GRIP1: variants seen among roughly 807,000 people sequenced by gnomAD.
GRIP1 encodes the protein glutamate receptor-interacting protein 1.
GRIP1 carries 45 observed loss-of-function variants against 129.9 expected under a neutral mutation model. The ratio of observed to expected loss-of-function variants is 0.35; its 90% CI spans 0.27 to 0.44. The LOEUF is 0.44. GRIP1 is among the 20% of genes least tolerant of loss of function. The pLI is 1.00. For synonymous variants in GRIP1, 530 were observed against 520.8 expected, an observed-to-expected ratio of 1.02 and a Z score of -0.24; for missense variants, 1,196 against 1,396.8, an observed-to-expected ratio of 0.86 and a Z score of 2.29.
chr12:66,825,322 C>T (rs2039390953), intron 1 of GRIP1, among the ~76,000 whole-genome samples: 1 of 152,134 alleles, frequency 6.6e-6, no homozygotes, highest in South Asian at 2.1e-4. Flanking sequence ...TTACCTTTCT[C>T]CATATGACTT....
chr12:66,826,400 A>T (rs2039414204), intron 1 of GRIP1, among the ~76,000 whole-genome samples: 1 of 152,162 alleles, frequency 6.6e-6, no homozygotes, highest in South Asian at 2.1e-4. Flanking sequence ...GTGTATATCT[A>T]TGTTATAAAC....
intron 7 of GRIP1, among the ~76,000 whole-genome samples, chr12:66,485,822 T>C (rs1294125843): frequency 1.3e-5 from 2 of 152,064 alleles, no homozygotes; most frequent in African/African-American, 4.8e-5. Context: ...TTTTTTCTCA[T>C]TGCATTACAA....
chr12:66,401,625 C>T (rs181262302), intron 16 of GRIP1, among the ~76,000 whole-genome samples: 31,181 of 120,590 alleles, frequency 0.26, 5,400 homozygotes, highest in Middle Eastern at 0.35. Flanking sequence ...CACACACACA[C>T]ACACACACAC....
At chr12:67,036,219 G>T (rs1051827660) in intron 1 of GRIP1, among the ~76,000 whole-genome samples, 1 of 152,140 alleles carries the variant, frequency 6.6e-6, no homozygotes, top group Admixed American at 6.5e-5. Context: ...TGCATTTCAC[G>T]ATAACTTTTA....
At chr12:66,571,289 G>T (rs10784556) in intron 2 of GRIP1, among the ~76,000 whole-genome samples, 18,467 of 152,166 alleles carry the variant, frequency 0.12, 1,199 homozygotes, top group East Asian at 0.19. Flanking sequence ...ACCCTCACTT[G>T]GGAGGCCACA....
chr12:66,581,359 G>A (rs905306961), intron 2 of GRIP1, among the ~76,000 whole-genome samples: 1 of 150,888 alleles, frequency 6.6e-6, no homozygotes, highest in Non-Finnish European at 1.5e-5. Flanking sequence ...AAAAGCAAGA[G>A]CAAACACATT....
chr12:66,851,941 T>C (rs1331023679), intron 1 of GRIP1, among the ~76,000 whole-genome samples: 1 of 152,138 alleles, frequency 6.6e-6, no homozygotes, highest in Non-Finnish European at 1.5e-5. Flanking sequence ...CCTGTCATGA[T>C]AGTTCACAAT....
chr12:66,554,724 G>A (rs1259778219), intron 2 of GRIP1, among the ~76,000 whole-genome samples: 2 of 152,116 alleles, frequency 1.3e-5, no homozygotes, highest in Non-Finnish European at 2.9e-5. Context: ...AAGAGTCCAT[G>A]GACCTTAAGT....
At chr12:66,485,220 T>C (rs965673154) in intron 7 of GRIP1, among the ~76,000 whole-genome samples, 1 of 152,178 alleles carries the variant, frequency 6.6e-6, no homozygotes, top group Non-Finnish European at 1.5e-5. Context: ...ACTGTAGCCA[T>C]TCAGTTGAGT....
chr12:66,627,507 G>A (rs1303850096), intron 1 of GRIP1, among the ~76,000 whole-genome samples: 1 of 152,202 alleles, frequency 6.6e-6, no homozygotes, highest in Non-Finnish European at 1.5e-5. Flanking sequence ...TAGTTGGGGA[G>A]GGTGAGTAAG....
chr12:67,068,038 C>T (rs975392433), intron 1 of GRIP1, among the ~76,000 whole-genome samples: 3 of 152,174 alleles, frequency 2.0e-5, no homozygotes, highest in Admixed American at 6.5e-5. Context: ...ACCTTGCCAG[C>T]CAGCGTTCCT....
intron 1 of GRIP1, among the ~76,000 whole-genome samples, chr12:67,036,142 TA>T (rs2043091035): frequency 6.6e-6 from 1 of 152,140 alleles, no homozygotes; most frequent in South Asian, 2.1e-4. Flanking sequence ...TTGGGTTGGG[TA>T]GGTGATATAT....
At chr12:66,873,481 T>G (rs1475791186) in intron 1 of GRIP1, among the ~76,000 whole-genome samples, 1 of 152,098 alleles carries the variant, frequency 6.6e-6, no homozygotes, top group East Asian at 1.9e-4. Context: ...TAAGTCTTGA[T>G]ACTATCAAAA....
chr12:66,801,132 T>C (rs1005831520), intron 1 of GRIP1, among the ~76,000 whole-genome samples: 2 of 152,264 alleles, frequency 1.3e-5, no homozygotes, highest in African/African-American at 2.4e-5. Context: ...ATATACAATA[T>C]AGTTCTATAA....
intron 1 of GRIP1, among the ~76,000 whole-genome samples, chr12:66,724,399 C>G (rs1480045570): frequency 6.6e-6 from 1 of 152,186 alleles, no homozygotes; most frequent in East Asian, 1.9e-4. Flanking sequence ...CATCATGCTG[C>G]ATGTTTTGGC....
chr12:66,605,048 C>CATATAT (rs2064450553), intron 1 of GRIP1, among the ~76,000 whole-genome samples: 2 of 95,862 alleles, frequency 2.1e-5, no homozygotes, highest in East Asian at 4.3e-4. Flanking sequence ...ATTCAGAAGT[C>CATATAT]ACTTATATAT....
At chr12:66,897,346 T>C (rs2040767284) in intron 1 of GRIP1, among the ~76,000 whole-genome samples, 1 of 152,184 alleles carries the variant, frequency 6.6e-6, no homozygotes. Flanking sequence ...TTTTGGAGTC[T>C]TCCATGGAGG....
At chr12:66,389,526 C>A (rs1480356498) in intron 19 of GRIP1, among the ~76,000 whole-genome samples, 1 of 152,182 alleles carries the variant, frequency 6.6e-6, no homozygotes, top group Non-Finnish European at 1.5e-5. Context: ...CTGCACCCAG[C>A]TGTGCCTTGC....
chr12:66,599,901 T>G (rs1401281422), intron 1 of GRIP1, among the ~76,000 whole-genome samples: 1 of 152,224 alleles, frequency 6.6e-6, no homozygotes, highest in Non-Finnish European at 1.5e-5. Context: ...AGTCCCATGT[T>G]CTTTCTTCTT....
Sources: allele counts gnomAD v4.1 joint callset (sites outside exome capture counted in the v4.1 genomes callset), GRCh38; gene constraint gnomAD v4.1.1; transcripts MANE v1.5; gene names NCBI Gene and HGNC (gene_info 2026-07-23, HGNC 2026-07-21).